The following TSPAN9 variants were observed in gnomAD, a reference collection of about 807,000 sequenced individuals.
The protein encoded by TSPAN9 is tetraspanin-9.
A neutral mutation model predicts 31.0 loss-of-function variants in TSPAN9; 16 were observed. That is an observed-to-expected ratio of 0.52 (90% CI 0.35 to 0.78). TSPAN9 has a LOEUF of 0.78. TSPAN9 is among the 30% of genes least tolerant of loss of function. The pLI is 0.01. For synonymous variants in TSPAN9, 145 were observed against 121.6 expected, an observed-to-expected ratio of 1.19 and a Z score of -1.27; for missense variants, 272 against 312.5, an observed-to-expected ratio of 0.87 and a Z score of 0.98.
In TSPAN9 at chr12:3,281,099, T is replaced by G. The variant is rs1019001318; in HGVS notation, c.433-99T>G. The G allele has an allele frequency of 8.5e-6, 13 of 1,520,684 alleles. No homozygotes were observed. The Admixed American group carries it at 1.6e-4, about 19-fold the overall frequency. The allele number at this position is 1,520,684 out of a possible 1,614,324, so 94.2% of individuals were successfully genotyped here. On this transcript the variant is annotated intron_variant, in intron 6 of 8. Coordinates refer to ENST00000011898, the MANE Select transcript of TSPAN9 (RefSeq NM_006675.5). ...CCTCCCTTAACTGCAGGGTGGCCAC[T>G]TTTGCGGGGACTGGGGTTGGCCTGG...
chr12:3,266,192 G>A (rs545717292), intron 3 of TSPAN9, among the ~76,000 whole-genome samples: 1 of 152,304 alleles, frequency 6.6e-6, no homozygotes, highest in South Asian at 2.1e-4. Flanking sequence ...TGGCTTTCAT[G>A]GGAAAGAGCC....
At chr12:3,175,194 C>T (rs925789251) in intron 2 of TSPAN9, among the ~76,000 whole-genome samples, 25 of 152,292 alleles carry the variant, frequency 1.6e-4, no homozygotes, top group African/African-American at 5.5e-4. Flanking sequence ...TGGGGTGAGA[C>T]CTGGCAAGCA....
chr12:3,169,820 G>C (rs79290772), intron 2 of TSPAN9, among the ~76,000 whole-genome samples: 2 of 152,184 alleles, frequency 1.3e-5, no homozygotes, highest in East Asian at 1.9e-4. Context: ...CAGGTGTCAG[G>C]GTGGGCAGGG....
intron 2 of TSPAN9, among the ~76,000 whole-genome samples, chr12:3,176,531 G>A (rs912529007): frequency 2.6e-5 from 4 of 152,314 alleles, no homozygotes; most frequent in Non-Finnish European, 4.4e-5. Flanking sequence ...AGGACATTCC[G>A]TCCACATCTG....
intron 2 of TSPAN9, among the ~76,000 whole-genome samples, chr12:3,177,931 G>A (rs897427085): frequency 1.3e-5 from 2 of 152,160 alleles, no homozygotes; most frequent in African/African-American, 2.4e-5. Context: ...AGGTCCTGTC[G>A]GCTGTGTCTG....
At chr12:3,220,791 G>T (rs185187557) in intron 3 of TSPAN9, among the ~76,000 whole-genome samples, 2 of 152,046 alleles carry the variant, frequency 1.3e-5, no homozygotes, top group African/African-American at 4.8e-5. Context: ...GAGGGCTCTC[G>T]GTGGGAAGGC....
intron 2 of TSPAN9, among the ~76,000 whole-genome samples, chr12:3,149,560 C>G (rs1198761081): frequency 5.3e-5 from 8 of 152,314 alleles, no homozygotes; most frequent in Middle Eastern, 3.4e-3. Context: ...CTGTCTCAGT[C>G]CAACAGACAA....
intron 3 of TSPAN9, among the ~76,000 whole-genome samples, chr12:3,258,785 C>T (rs943232902): frequency 2.6e-5 from 4 of 152,212 alleles, no homozygotes; most frequent in African/African-American, 9.7e-5. Flanking sequence ...CCCTTGGTTA[C>T]TTCCAGCAGA....
intron 2 of TSPAN9, among the ~76,000 whole-genome samples, chr12:3,095,577 C>G (rs1179235600): frequency 3.2e-4 from 38 of 120,154 alleles, no homozygotes; most frequent in East Asian, 5.1e-4. Context: ...TAGGGGCGGC[C>G]GGGCAGAGGC....
At chr12:3,230,703 A>G (rs2098390258) in intron 3 of TSPAN9, among the ~76,000 whole-genome samples, 1 of 152,012 alleles carries the variant, frequency 6.6e-6, no homozygotes, top group African/African-American at 2.4e-5. Flanking sequence ...GTAAGAGTCC[A>G]TGCCGGCCTG....
intron 3 of TSPAN9, among the ~76,000 whole-genome samples, chr12:3,210,804 G>T (rs1174965607): frequency 6.6e-6 from 1 of 151,524 alleles, no homozygotes; most frequent in Non-Finnish European, 1.5e-5. Context: ...GAGTGCAGTG[G>T]CACAATCATG....
intron 2 of TSPAN9, 169 bp from the exon 3 acceptor site, chr12:3,201,008 T>C (rs899065648): frequency 3.3e-6 from 2 of 612,400 alleles, no homozygotes; most frequent in African/African-American, 3.8e-5. Context: ...GCCGTCCACC[T>C]CCGGCCGCCC....
At position 3,143,615 on chromosome 12, in the gene TSPAN9, A is replaced by G. The variant is rs1174576773; in HGVS notation, c.-17-57562A>G. Among the ~76,000 whole-genome samples the G allele has an allele frequency of 6.6e-6, 1 of 152,236 alleles. No homozygotes were observed. The highest frequency in any genetic ancestry group is 1.5e-5 in the Non-Finnish European group (1 of 68,050). The stretch of plus-strand genomic sequence containing the variant: ...ATAAATGTATGGATATAGGATATAT[A>G]ATAAATATCAGGATATATATTTTAT... On this transcript the variant is annotated intron_variant, in intron 2 of 8. Coordinates refer to ENST00000011898, the MANE Select transcript of TSPAN9 (RefSeq NM_006675.5). This position sits in a 1 kb window ranked among gnomAD's most constrained non-coding sequence, Gnocchi z 4.2.
In TSPAN9 at chr12:3,250,837, G is replaced by A. The variant is rs114055483; in HGVS notation, c.64-27584G>A. Among the ~76,000 whole-genome samples, 544 of 152,324 alleles carry A rather than the reference G, an allele frequency of 3.6e-3. 6 individuals carry two copies. Among genetic ancestry groups the A allele is most frequent in the African/African-American group, 0.013 (523 of 41,576 alleles). On this transcript the variant is annotated intron_variant, in intron 3 of 8. Coordinates refer to ENST00000011898, the MANE Select transcript of TSPAN9 (RefSeq NM_006675.5). ...AGGCCCGGGGAGCAGCCCGGTGAATGGCCATGATGGGCACAGCAGCCTGCC... is the reference window on the plus strand; with the variant it reads ...AGGCCCGGGGAGCAGCCCGGTGAATAGCCATGATGGGCACAGCAGCCTGCC...
At chr12:3,197,348 C>G (rs1176934529) in intron 2 of TSPAN9, among the ~76,000 whole-genome samples, 1 of 152,128 alleles carries the variant, frequency 6.6e-6, no homozygotes, top group African/African-American at 2.4e-5. Flanking sequence ...TTAGCCATGC[C>G]AGTCAGGCAG....
At chr12:3,193,827 C>T (rs75571265) in intron 2 of TSPAN9, among the ~76,000 whole-genome samples, 2,214 of 152,332 alleles carry the variant, frequency 0.015, 62 homozygotes, top group African/African-American at 0.05. Context: ...CTTCTTCCTC[C>T]ATACATTTGT....
chr12:3,234,901 C>A (rs1021372497), intron 3 of TSPAN9, among the ~76,000 whole-genome samples: 2 of 151,804 alleles, frequency 1.3e-5, no homozygotes, highest in Admixed American at 1.3e-4. Context: ...TGGCTTACGC[C>A]TGTCATCCCA....
Position 3,162,163 on chromosome 12 carries a change from C to T in TSPAN9, c.-17-39014C>T, listed in dbSNP as rs190027186. ...AGAGCTTGGCACCTGGCACCTCCCCCCACTGTCTTGCTTCCTCTCTCACCA... is the reference window on the plus strand; with the variant it reads ...AGAGCTTGGCACCTGGCACCTCCCCTCACTGTCTTGCTTCCTCTCTCACCA... On this transcript the variant is annotated intron_variant, in intron 2 of 8. Coordinates refer to ENST00000011898, the MANE Select transcript of TSPAN9 (RefSeq NM_006675.5). Among the ~76,000 whole-genome samples, 3 of 152,150 alleles carry T rather than the reference C, an allele frequency of 2.0e-5. No individual in the cohort carries two copies. The South Asian group carries it at 6.2e-4, about 32-fold the overall frequency.
intron 2 of TSPAN9, among the ~76,000 whole-genome samples, chr12:3,169,822 T>A (rs2098350747): frequency 6.6e-6 from 1 of 151,834 alleles, no homozygotes; most frequent in Middle Eastern, 3.4e-3. Context: ...GGTGTCAGGG[T>A]GGGCAGGGTG....
Sources: allele counts gnomAD v4.1 joint callset (sites outside exome capture counted in the v4.1 genomes callset), GRCh38; gene constraint gnomAD v4.1.1; non-coding constraint Gnocchi (gnomAD v3.1); transcripts MANE v1.5; gene names NCBI Gene and HGNC (gene_info 2026-07-23, HGNC 2026-07-21).